Variants in EDA observed in about 807,000 individuals in gnomAD.
The protein encoded by EDA is ectodysplasin A.
In EDA, 2 loss-of-function variants were observed where a neutral mutation model predicts 23.6. The observed-to-expected ratio is 0.08, with a 90% CI of 0.03 to 0.27. The LOEUF (loss-of-function observed/expected upper bound fraction) is 0.27. EDA is among the 10% of genes least tolerant of loss of function. The pLI, the probability that EDA is intolerant of heterozygous loss-of-function variation, is 1.00. For synonymous variants in EDA, 131 were observed against 132.0 expected (o/e 0.99, Z 0.05); for missense variants, 229 against 324.2 (o/e 0.71, Z 2.26).
At chrX:69,803,072 T>C (rs778128926) in intron 1 of EDA, among the ~76,000 whole-genome samples, 1 of 111,054 alleles carries the variant, frequency 9.0e-6, no homozygotes, top group African/African-American at 3.3e-5. Context: ...CCTCTTGGTA[T>C]GTTAAGATTT....
In EDA at chrX:69,976,145, A is replaced by C. The variant is rs1374403014; in HGVS notation, c.502+19013A>C. On this transcript the variant is annotated intron_variant, in intron 2 of 7. Coordinates refer to ENST00000374552, the MANE Select transcript of EDA (RefSeq NM_001399.5). ...TAATACATGCTCCTTTTAAAACAAA[A>C]TTAAATATCAGAGAAATTTATGATG... 2.7e-5 allele frequency among the ~76,000 whole-genome samples: 3 copies of C among 112,390 alleles called. No individual in the cohort carries two copies. In the East Asian group the frequency reaches 8.3e-4, roughly 31 times the overall value.
At chrX:69,682,491 A>C (rs983060022) in intron 1 of EDA, among the ~76,000 whole-genome samples, 1 of 111,224 alleles carries the variant, frequency 9.0e-6, no homozygotes. Flanking sequence ...GACGTAGGAC[A>C]CTCCAAGCCA....
intron 1 of EDA, among the ~76,000 whole-genome samples, chrX:69,733,919 C>CTT (rs60368757): frequency 7.7e-4 from 79 of 102,940 alleles, no homozygotes; most frequent in Middle Eastern, 5.2e-3. Flanking sequence ...AATATTTTTG[C>CTT]TTTTTTTTTT....
At chrX:69,852,950 G>C (rs915176311) in intron 1 of EDA, among the ~76,000 whole-genome samples, 10 of 111,870 alleles carry the variant, frequency 8.9e-5, no homozygotes, top group Non-Finnish European at 1.7e-4. Context: ...ATCATATTTT[G>C]AAGAATTCAT....
chrX:69,641,239 A>G (rs903739563), intron 1 of EDA, among the ~76,000 whole-genome samples: 4 of 112,021 alleles, frequency 3.6e-5, no homozygotes, highest in Non-Finnish European at 7.5e-5. Context: ...TGAGAAATGT[A>G]AAATTTTCTA....
chrX:69,941,342 A>T (rs142633507), intron 1 of EDA, among the ~76,000 whole-genome samples: 2,007 of 111,592 alleles, frequency 0.018, 55 homozygotes, highest in African/African-American at 0.061. Flanking sequence ...TGTCTGGATG[A>T]TGTATCCAAT....
chrX:69,964,729 T>C (rs2019150419), intron 2 of EDA, among the ~76,000 whole-genome samples: 1 of 111,271 alleles, frequency 9.0e-6, no homozygotes, highest in African/African-American at 3.3e-5. Context: ...CTCACTTCTG[T>C]ATGGCTCCTC....
intron 1 of EDA, among the ~76,000 whole-genome samples, chrX:69,701,536 C>T (rs184645049): frequency 1.7e-4 from 19 of 111,711 alleles, no homozygotes; most frequent in African/African-American, 5.5e-4. Context: ...TTCCTCATCA[C>T]GATTGTTAGA....
intron 2 of EDA, among the ~76,000 whole-genome samples, chrX:69,973,802 A>G (rs1471124408): frequency 8.9e-6 from 1 of 111,746 alleles, no homozygotes; most frequent in African/African-American, 3.2e-5. Context: ...AGTTATGAAT[A>G]TGAGTGAATC....
chrX:69,677,126 A>C (rs1164389707), intron 1 of EDA, among the ~76,000 whole-genome samples: 2 of 101,251 alleles, frequency 2.0e-5, no homozygotes, highest in African/African-American at 7.2e-5. Context: ...ATGATTTCCA[A>C]TTTCATCCAT....
rs775188619 is a variant in EDA, at chrX:69,838,767, A to T, written c.397-118260A>T. On this transcript the variant is annotated intron_variant, in intron 1 of 7. Coordinates refer to ENST00000374552, the MANE Select transcript of EDA (RefSeq NM_001399.5). ...CACTTTCTTTGGTTGATCCAAAGGA[A>T]TATATCTCTTTTATTTGCCCTCAAG... Among the ~76,000 whole-genome samples the T allele has an allele frequency of 2.5e-3, 287 of 112,566 alleles. 3 individuals carry two copies. Among genetic ancestry groups the T allele is most frequent in the African/African-American group, 8.9e-3 (276 of 31,068 alleles).
chrX:69,677,818 T>C (rs1379174654), intron 1 of EDA, among the ~76,000 whole-genome samples: 2 of 111,983 alleles, frequency 1.8e-5, no homozygotes, highest in South Asian at 7.4e-4. Context: ...TGCAGCTCTT[T>C]AGTTTAATTA....
chrX:69,679,612 G>T (rs187367076), intron 1 of EDA, among the ~76,000 whole-genome samples: 58 of 112,026 alleles, frequency 5.2e-4, no homozygotes, highest in African/African-American at 1.8e-3. Flanking sequence ...TTGTGTAGAG[G>T]TGTTTGTCGT....
intron 1 of EDA, among the ~76,000 whole-genome samples, chrX:69,856,712 T>TTA (rs2017263103): frequency 3.3e-5 from 1 of 30,375 alleles, no homozygotes; most frequent in Non-Finnish European, 1.1e-4. Flanking sequence ...GATGCGATTA[T>TTA]TTTTTTTTTT....
At chrX:69,865,386 G>A (rs1212370975) in intron 1 of EDA, among the ~76,000 whole-genome samples, 1 of 110,571 alleles carries the variant, frequency 9.0e-6, no homozygotes, top group Non-Finnish European at 1.9e-5. Flanking sequence ...GGAGCAAGAA[G>A]AGCCAGTCCG....
chrX:69,630,901 G>A (rs1932548535), intron 1 of EDA, among the ~76,000 whole-genome samples: 1 of 111,320 alleles, frequency 9.0e-6, no homozygotes, highest in Non-Finnish European at 1.9e-5. Context: ...TTGGAAATTG[G>A]GATACAGTAG....
intron 1 of EDA, among the ~76,000 whole-genome samples, chrX:69,804,360 A>G (rs957191884): frequency 1.8e-5 from 2 of 111,343 alleles, no homozygotes; most frequent in East Asian, 5.7e-4. Flanking sequence ...ATTGTTTCTT[A>G]ACAATCTTCT....
intron 2 of EDA, among the ~76,000 whole-genome samples, chrX:70,000,507 G>A (rs1029394083): frequency 1.8e-5 from 2 of 112,066 alleles, no homozygotes; most frequent in Admixed American, 1.9e-4. Flanking sequence ...ATCCTTCAAG[G>A]CCATTTCAGA....
At chrX:69,997,506 T>C (rs1163613602) in intron 2 of EDA, among the ~76,000 whole-genome samples, 1 of 112,394 alleles carries the variant, frequency 8.9e-6, no homozygotes, top group Non-Finnish European at 1.9e-5. Flanking sequence ...AAAATTAACC[T>C]GACAATGGGA....
Sources: gnomAD v4.1 joint callset for allele counts (sites outside exome capture counted in the v4.1 genomes callset) on GRCh38, gnomAD v4.1.1 for gene constraint, MANE v1.5 for transcripts, NCBI Gene and HGNC (gene_info 2026-07-23, HGNC 2026-07-21) for gene names.